DCHS2: variants seen among roughly 807,000 people sequenced by gnomAD.
DCHS2 encodes the protein protocadherin-23.
A neutral mutation model predicts 182.4 loss-of-function variants in DCHS2; 142 were observed. The ratio of observed to expected loss-of-function variants is 0.78; its 90% confidence interval spans 0.68 to 0.89. DCHS2 has a LOEUF of 0.89. Among genes scored for constraint, DCHS2 ranks in the 40% least tolerant of loss-of-function variants. The probability of loss-of-function intolerance (pLI) is 0.00; values close to 1 mark genes in which losing one functional copy is unlikely to be tolerated. For synonymous variants in DCHS2, 1,740 were observed against 1,663.3 expected, an observed-to-expected ratio of 1.05 and a Z score of -1.12; for missense variants, 4,319 against 4,198.6, an observed-to-expected ratio of 1.03 and a Z score of -0.79.
At chr4:154,360,010 G>T (rs994550735) in intron 3 of DCHS2, among the ~76,000 whole-genome samples, 1 of 151,774 alleles carries the variant, frequency 6.6e-6, no homozygotes, top group African/African-American at 2.4e-5. Context: ...TATGAAACAA[G>T]CCTTGAAATG....
chr4:154,278,056 G>C (rs1392878572), intron 13 of DCHS2, among the ~76,000 whole-genome samples: 1 of 145,796 alleles, frequency 6.9e-6, no homozygotes, highest in South Asian at 2.2e-4. Flanking sequence ...CAAAAAAAAA[G>C]AATTTAAAAT....
intron 1 of DCHS2, chr4:154,384,440 G>T (rs746833413): frequency 2.7e-5 from 43 of 1,609,304 alleles, no homozygotes; most frequent in Non-Finnish European, 3.5e-5. Context: ...GCTCAGTCTC[G>T]GGACTACCTC....
At chr4:154,450,550 C>T (rs1184373464) in intron 1 of DCHS2, among the ~76,000 whole-genome samples, 1 of 152,078 alleles carries the variant, frequency 6.6e-6, no homozygotes, top group Admixed American at 6.5e-5. Flanking sequence ...ATTTAGGAGC[C>T]AGCCGGGCAG....
intron 1 of DCHS2, among the ~76,000 whole-genome samples, chr4:154,457,920 C>A (rs1734840916): frequency 6.6e-6 from 1 of 152,166 alleles, no homozygotes; most frequent in Admixed American, 6.6e-5. Context: ...TCAGGACAAT[C>A]CATTCACTCT....
At chr4:154,322,554 A>T (rs915912915) in intron 7 of DCHS2, 66 bp from the exon 8 acceptor site, 2 of 1,484,994 alleles carry the variant, frequency 1.3e-6, no homozygotes, top group Non-Finnish European at 9.0e-7. Flanking sequence ...AAATCAATTA[A>T]TCCAATATAT....
In DCHS2 at chr4:154,328,195, G is replaced by C; in HGVS notation, c.3919-3C>G. The C allele has an allele frequency of 6.2e-7, 1 of 1,600,288 alleles. No homozygotes were observed. The highest frequency in any genetic ancestry group is 1.7e-5 in the Admixed American group (1 of 57,644). On this transcript the variant is annotated splice_region_variant and splice_polypyrimidine_tract_variant and intron_variant, in intron 6 of 19. Transcript: ENST00000357232. The stretch of plus-strand genomic sequence containing the variant: ...TTTACTGGTTGACCTTCCAGAACCT[G>C]CCATTAAAACAAACAGCTTACAAAT...
At chr4:154,482,719 AT>A (rs1469998696) in intron 1 of DCHS2, among the ~76,000 whole-genome samples, 1 of 152,138 alleles carries the variant, frequency 6.6e-6, no homozygotes, top group African/African-American at 2.4e-5. Context: ...GGAATAGGGG[AT>A]TGTTGGATGG....
chr4:154,389,205 TTCTC>T (rs543845704), intron 1 of DCHS2, among the ~76,000 whole-genome samples: 11 of 152,138 alleles, frequency 7.2e-5, no homozygotes, highest in Non-Finnish European at 1.6e-4. Flanking sequence ...GAAATATTAT[TTCTC>T]TCTCTCTTTT....
At chr4:154,377,560 G>T in intron 1 of DCHS2, 116 bp from the exon 2 acceptor site, 1 of 752,238 alleles carries the variant, frequency 1.3e-6, no homozygotes, top group South Asian at 2.2e-5. Context: ...TATTCACAAA[G>T]CCTAGGCTTT....
Position 154,328,256 on chromosome 4 carries a change from C to A in DCHS2, c.3919-64G>T, listed in dbSNP as rs115901278. The A allele has an allele frequency of 1.3e-3, 1,519 of 1,156,366 alleles. 19 individuals are homozygous for A. The African/African-American group carries it at 0.022, about 16-fold the overall frequency. The allele number at this position is 1,156,366 out of a possible 1,614,324, so 71.6% of individuals were successfully genotyped here. A position where few individuals can be genotyped will look rare whatever the true frequency, so the allele number is the denominator to read the frequency against. The stretch of plus-strand genomic sequence containing the variant: ...AAGTTTAAAAAGAAATATCAGTGGA[C>A]CTTTAAATGAATGAATACATTATAC... On this transcript the variant is annotated intron_variant, in intron 6 of 19. Coordinates refer to ENST00000357232, the MANE Select transcript of DCHS2 (RefSeq NM_001358235.2).
chr4:154,451,736 T>C (rs190026332), intron 1 of DCHS2, among the ~76,000 whole-genome samples: 2,211 of 136,042 alleles, frequency 0.016, 52 homozygotes, highest in African/African-American at 0.052. Flanking sequence ...CTTCTGGTTG[T>C]TTATTTTGCT....
chr4:154,358,965 A>C (rs970153888), intron 3 of DCHS2, among the ~76,000 whole-genome samples: 3 of 151,640 alleles, frequency 2.0e-5, no homozygotes, highest in Non-Finnish European at 2.9e-5. Context: ...AATAATAAAT[A>C]ATAAAATCAT....
At chr4:154,420,178 GAGA>G (rs1322376120) in intron 1 of DCHS2, among the ~76,000 whole-genome samples, 1 of 151,790 alleles carries the variant, frequency 6.6e-6, no homozygotes, top group Non-Finnish European at 1.5e-5. Flanking sequence ...ACCAGATGGA[GAGA>G]AGAAGTGAGA....
At position 154,381,490 on chromosome 4, in the gene DCHS2, A is replaced by G. The variant is rs1406402838; in HGVS notation, c.2053-4046T>C. Among the ~76,000 whole-genome samples, 3 of 152,132 alleles carry G rather than the reference A, an allele frequency of 2.0e-5. No homozygotes were observed. In the East Asian group the frequency reaches 5.8e-4, roughly 29 times the overall value. On this transcript the variant is annotated intron_variant, in intron 1 of 19. Coordinates refer to ENST00000357232, the MANE Select transcript of DCHS2 (RefSeq NM_001358235.2). ...AAGCATCCAAATAGGAAAAGAAGCCAAACTATCTCTCTTTACTGACAATAT... is the reference window on the plus strand; with the variant it reads ...AAGCATCCAAATAGGAAAAGAAGCCGAACTATCTCTCTTTACTGACAATAT...
At chr4:154,345,469 T>C (rs766637840) in intron 3 of DCHS2, among the ~76,000 whole-genome samples, 6 of 152,266 alleles carry the variant, frequency 3.9e-5, no homozygotes, top group Non-Finnish European at 7.3e-5. Context: ...GGATGTGATG[T>C]TTGACCAACG....
At position 154,236,843 on chromosome 4, in the gene DCHS2, C is replaced by A. The variant is rs2111088512; in HGVS notation, c.7809G>T (p.Lys2603Asn). The change falls in exon 20 of 20, where the codon AAG becomes AAT. Residue 2603 changes from lysine to asparagine, a missense_variant. Physicochemically the swap from Lys to Asn is moderately conservative, Grantham distance 94. Transcript: ENST00000357232. ...TATAAGGATATTCTGAATGAAAGAA[C>A]TTAGTTTCCACATGAAAATTGTTCT... is the stretch of plus-strand genomic sequence containing the variant. ...NSQNNFHVET[K>N]FFHSEYPYKQ... is the part of the protein sequence containing the mutation. 1 of 1,614,078 alleles carries A rather than the reference C, an allele frequency of 6.2e-7. No homozygotes were observed. The highest frequency in any genetic ancestry group is 1.1e-5 in the South Asian group (1 of 91,086).
chr4:154,428,168 T>C (rs1262641969), intron 1 of DCHS2, among the ~76,000 whole-genome samples: 2 of 152,070 alleles, frequency 1.3e-5, no homozygotes, highest in Non-Finnish European at 2.9e-5. Flanking sequence ...ATTGGAGATA[T>C]GAAATCTAGT....
At chr4:154,429,945 C>A (rs554572380) in intron 1 of DCHS2, among the ~76,000 whole-genome samples, 1 of 152,092 alleles carries the variant, frequency 6.6e-6, no homozygotes, top group Non-Finnish European at 1.5e-5. Flanking sequence ...AACATTAACC[C>A]ATGTCATGGT....
rs1386885563 is a variant in DCHS2, at chr4:154,334,930, A to G, written c.2651T>C (p.Leu884Ser). 6.2e-7 allele frequency: 1 copy of G among 1,614,206 alleles called. No homozygotes were observed. The highest frequency in any genetic ancestry group is 8.5e-7 in the Non-Finnish European group (1 of 1,180,030). Residue 884 changes from leucine (L) to serine (S), a missense_variant, in exon 4 of 20, where the codon TTA becomes TCA. Coordinates refer to ENST00000357232, the MANE Select transcript of DCHS2 (RefSeq NM_001358235.2). ...AEFERPKYTFLVYEDVPEDSP... is the reference protein window; with the variant it reads ...AEFERPKYTFSVYEDVPEDSP... The stretch of plus-strand genomic sequence containing the variant: ...ATCTTCAGGCACATCTTCATAAACT[A>G]AGAAAGTGTACTTAGGCCTTTCAAA...
Sources: allele counts gnomAD v4.1 joint callset (sites outside exome capture counted in the v4.1 genomes callset), GRCh38; gene constraint gnomAD v4.1.1; transcripts MANE v1.5; gene names NCBI Gene and HGNC (gene_info 2026-07-23, HGNC 2026-07-21).